PLXNA4: variants seen among roughly 807,000 people sequenced by gnomAD.
PLXNA4 encodes the protein plexin A4, also known as plexin-A4.
Under a neutral mutation model 191.8 loss-of-function variants are expected in PLXNA4, and 44 were observed. The ratio of observed to expected loss-of-function variants is 0.23; its 90% CI spans 0.18 to 0.29. The LOEUF (loss-of-function observed/expected upper bound fraction) is 0.29, where lower values mean the gene tolerates loss of function less well. Among genes scored for constraint, PLXNA4 ranks in the 10% least tolerant of loss-of-function variants. The pLI, the probability that PLXNA4 is intolerant of heterozygous loss-of-function variation, is 1.00. For missense variants in PLXNA4, 1,800 were observed against 2,488.8 expected, an observed-to-expected ratio of 0.72 and a Z score of 5.89; for synonymous variants, 1,082 against 1,009.5, an observed-to-expected ratio of 1.07 and a Z score of -1.36.
chr7:132,305,513 G>T lies in PLXNA4; in HGVS notation c.1372-7291C>A, dbSNP rs941662084. On this transcript the variant is annotated intron_variant, in intron 3 of 31. Transcript: ENST00000321063. ...CCTCCAGCCCTGCTGGCCCCCTGCC[G>T]ATCCACCAGTGGGCACCGCCACCTA... is the stretch of plus-strand genomic sequence containing the variant. Among the ~76,000 whole-genome samples, 7 of 152,044 alleles carry T rather than the reference G, an allele frequency of 4.6e-5. No homozygotes were observed. The East Asian group carries it at 7.7e-4, about 17-fold the overall frequency.
chr7:132,397,282 T>C (rs1482206553), intron 3 of PLXNA4, among the ~76,000 whole-genome samples: 1 of 152,234 alleles, frequency 6.6e-6, no homozygotes, highest in Non-Finnish European at 1.5e-5. Flanking sequence ...CATCAGCAGC[T>C]TCTGTTGCTG....
chr7:132,411,850 A>C (rs1794471121), intron 3 of PLXNA4, among the ~76,000 whole-genome samples: 1 of 152,154 alleles, frequency 6.6e-6, no homozygotes, highest in African/African-American at 2.4e-5. Context: ...TGGAATGTGA[A>C]GGATCCCAAA....
chr7:132,387,704 A>G (rs1805212786), intron 3 of PLXNA4, among the ~76,000 whole-genome samples: 1 of 152,208 alleles, frequency 6.6e-6, no homozygotes, highest in Non-Finnish European at 1.5e-5. Context: ...AGAGAGCCCA[A>G]GGTCAGGGTG....
chr7:132,296,934 T>C (rs1022146598), intron 4 of PLXNA4, among the ~76,000 whole-genome samples: 5 of 152,108 alleles, frequency 3.3e-5, no homozygotes, highest in African/African-American at 9.6e-5. Context: ...CAGGGCACAG[T>C]GGGTCCCAGT....
At position 132,130,347 on chromosome 7, in the gene PLXNA4, AAGAG is replaced by A. The variant is rs771267842; in HGVS notation, c.*128_*131del. 1.1e-5 allele frequency: 14 copies of A among 1,254,726 alleles called. No homozygotes were observed. The highest frequency in any genetic ancestry group is 2.7e-5 in the South Asian group (2 of 72,754). The allele number at this position is 1,254,726 out of a possible 1,614,324, so 77.7% of individuals were successfully genotyped here. On this transcript the variant is annotated 3_prime_UTR_variant, in exon 32 of 32. Transcript: ENST00000321063. The stretch of plus-strand genomic sequence containing the variant: ...GGAGAAACGGAAAGAGGCAGAGAGA[AAGAG>A]AGAGAAACAGCGCTGCTCAGGGGAT...
intron 30 of PLXNA4, among the ~76,000 whole-genome samples, chr7:132,133,883 C>T (rs565146509): frequency 6.6e-6 from 1 of 152,306 alleles, no homozygotes; most frequent in East Asian, 1.9e-4. Flanking sequence ...AGCCACTTCT[C>T]ACCCTCTCCT....
At chr7:132,596,726 G>C (rs1057087510) in intron 2 of PLXNA4, among the ~76,000 whole-genome samples, 4 of 152,092 alleles carry the variant, frequency 2.6e-5, no homozygotes, top group African/African-American at 9.7e-5. Context: ...TAGGAAGAAG[G>C]AGGTCAGGGA....
At chr7:132,431,682 C>T (rs1369306307) in intron 3 of PLXNA4, among the ~76,000 whole-genome samples, 2 of 152,190 alleles carry the variant, frequency 1.3e-5, no homozygotes, top group East Asian at 3.9e-4. Context: ...CTCTGACCTG[C>T]TAGGAACATG....
upstream of PLXNA4, among the ~76,000 whole-genome samples, chr7:132,578,004 G>C (rs1802325160): frequency 1.3e-5 from 2 of 152,090 alleles, no homozygotes; most frequent in African/African-American, 4.8e-5. Flanking sequence ...GGCTCTCCTG[G>C]CTCCTCTCTT....
chr7:132,342,318 C>T (rs1006282927), intron 3 of PLXNA4, among the ~76,000 whole-genome samples: 3 of 150,840 alleles, frequency 2.0e-5, no homozygotes, highest in Non-Finnish European at 4.4e-5. Flanking sequence ...AGAGAATTCA[C>T]TAACCATAGT....
intron 3 of PLXNA4, among the ~76,000 whole-genome samples, chr7:132,332,733 G>T (rs1484724583): frequency 6.6e-6 from 1 of 151,848 alleles, no homozygotes; most frequent in East Asian, 1.9e-4. Context: ...GTGGGCGAGG[G>T]CCTGTAGTCC....
chr7:132,368,370 G>T (rs1251546149), intron 3 of PLXNA4, among the ~76,000 whole-genome samples: 1 of 152,152 alleles, frequency 6.6e-6, no homozygotes, highest in African/African-American at 2.4e-5. Context: ...GGGGAGGGAC[G>T]CGGCTGCACC....
At chr7:132,422,182 C>T (rs2117148688) in intron 3 of PLXNA4, among the ~76,000 whole-genome samples, 1 of 152,306 alleles carries the variant, frequency 6.6e-6, no homozygotes, top group East Asian at 1.9e-4. Flanking sequence ...CATGTGAGCC[C>T]AGCACCCTCC....
chr7:132,546,532 C>T (rs1800313582), intron 1 of PLXNA4, among the ~76,000 whole-genome samples: 1 of 152,194 alleles, frequency 6.6e-6, no homozygotes, highest in Non-Finnish European at 1.5e-5. Context: ...ACTGTTAATT[C>T]ACAACCAGAC....
intron 30 of PLXNA4, among the ~76,000 whole-genome samples, chr7:132,133,870 G>C (rs999026699): frequency 1.3e-5 from 2 of 152,178 alleles, no homozygotes; most frequent in Admixed American, 6.5e-5. Context: ...TGTCCCCAAA[G>C]ACAGCCACTT....
intron 10 of PLXNA4, among the ~76,000 whole-genome samples, chr7:132,210,628 C>T (rs1282518159): frequency 6.6e-6 from 1 of 152,296 alleles, no homozygotes; most frequent in African/African-American, 2.4e-5. Context: ...TGGAGCCCAG[C>T]GTCTGCCCAT....
chr7:132,549,742 G>T (rs138939328), intron 1 of PLXNA4, among the ~76,000 whole-genome samples: 50 of 149,332 alleles, frequency 3.3e-4, no homozygotes, highest in Non-Finnish European at 6.5e-4. Flanking sequence ...TTAAGTTACT[G>T]CTACATCTTT....
At position 132,206,437 on chromosome 7, in the gene PLXNA4, GGTGTGTGTGTGTGT is replaced by G. The variant is rs61032250; in HGVS notation, c.2299-3032_2299-3019del. Among the ~76,000 whole-genome samples, 48 of 148,444 alleles carry G rather than the reference GGTGTGTGTGTGTGT, an allele frequency of 3.2e-4. No homozygotes were observed. The East Asian group carries it at 5.1e-3, about 16-fold the overall frequency. Reference sequence around the variant, plus strand: ...ACATATGAGAACGCTTATGTTTTCTGGTGTGTGTGTGTGTGTGTGTGTGTGTGTGTGTGTGCGCA... The same window carrying G: ...ACATATGAGAACGCTTATGTTTTCTGGTGTGTGTGTGTGTGTGTGTGCGCA... On this transcript the variant is annotated intron_variant, in intron 10 of 31. Transcript: ENST00000321063.
At chr7:132,325,282 C>T (rs1190383262) in intron 3 of PLXNA4, among the ~76,000 whole-genome samples, 1 of 152,146 alleles carries the variant, frequency 6.6e-6, no homozygotes, top group East Asian at 1.9e-4. Flanking sequence ...GGGCCATCTA[C>T]ATTTAGTGAG....
Sources: allele counts gnomAD v4.1 joint callset (sites outside exome capture counted in the v4.1 genomes callset), GRCh38; gene constraint gnomAD v4.1.1; transcripts MANE v1.5; gene names NCBI Gene and HGNC (gene_info 2026-07-23, HGNC 2026-07-21).